Variants in LRRC23 observed in about 807,000 individuals in gnomAD.
LRRC23 encodes leucine rich repeat containing 23.
A neutral mutation model predicts 37.7 loss-of-function variants in LRRC23; 28 were observed. The observed-to-expected ratio is 0.74, with a 90% CI of 0.55 to 1.02. The LOEUF (loss-of-function observed/expected upper bound fraction) is 1.02. LRRC23 is among the 50% of genes least tolerant of loss of function. The probability of loss-of-function intolerance (pLI) is 0.00; values close to 1 mark genes in which losing one functional copy is unlikely to be tolerated. For missense variants in LRRC23, 377 were observed against 413.2 expected (o/e 0.91, Z 0.76); for synonymous variants, 161 against 165.4 (o/e 0.97, Z 0.20).
chr12:6,906,076 A>T, intron 3 of LRRC23, 122 bp downstream of exon 3: 1 of 882,830 alleles, frequency 1.1e-6, no homozygotes, highest in Non-Finnish European at 1.8e-6. Flanking sequence ...TGGAAAGGGA[A>T]GGACAGAATT....
rs782196842 is a variant in LRRC23 at position 6,904,977 on chromosome 12, G to A, written c.-148G>A. Reference sequence around the variant, plus strand: ...CCCCGTCCCCGTTGCCATAACAGCAGTACACAACCCCTCCTTCCCCTCGCC... The same window carrying A: ...CCCCGTCCCCGTTGCCATAACAGCAATACACAACCCCTCCTTCCCCTCGCC... On this transcript the variant is annotated 5_prime_UTR_variant, in exon 1 of 8. Coordinates refer to ENST00000443597, the MANE Select transcript of LRRC23 (RefSeq NM_001135217.2). 146 of 153,274 alleles carry A rather than the reference G, an allele frequency of 9.5e-4. No homozygotes were observed. In the Middle Eastern group the frequency reaches 0.024, roughly 25 times the overall value. 9.5% of individuals were successfully genotyped at this position (153,274 alleles called of 1,614,324 possible). A position where few individuals can be genotyped will look rare whatever the true frequency, so the allele number is the denominator to read the frequency against.
intron 6 of LRRC23, among the ~76,000 whole-genome samples, chr12:6,911,495 G>GT (rs1237479223): frequency 7.0e-6 from 1 of 142,794 alleles, no homozygotes; most frequent in Non-Finnish European, 1.5e-5. Flanking sequence ...TGTTTTGAGA[G>GT]TAAGTCGGGT....
chr12:6,914,123 G>A lies in LRRC23; in HGVS notation c.*257G>A. The A allele has an allele frequency of 6.7e-7, 1 of 1,497,584 alleles. No homozygotes were observed. The highest frequency in any genetic ancestry group is 8.9e-7 in the Non-Finnish European group (1 of 1,124,724). 92.8% of individuals were successfully genotyped at this position (1,497,584 alleles called of 1,614,324 possible). A position where few individuals can be genotyped will look rare whatever the true frequency, so the allele number is the denominator to read the frequency against. ...CGGGGGCCGCCCTCGGGCAGGCGTGGGTGAGAGCCAAGACCGCGTGGGCCG... is the reference window on the plus strand; with the variant it reads ...CGGGGGCCGCCCTCGGGCAGGCGTGAGTGAGAGCCAAGACCGCGTGGGCCG... On this transcript the variant is annotated 3_prime_UTR_variant, in exon 8 of 8. Transcript: ENST00000443597. The surrounding 1 kb of genome is among the most constrained non-coding windows in gnomAD (Gnocchi z 7.1).
intron 5 of LRRC23, 84 bp downstream of exon 5, chr12:6,907,529 A>G (rs1555139848): frequency 7.3e-7 from 1 of 1,365,506 alleles, no homozygotes; most frequent in Non-Finnish European, 1.0e-6. Flanking sequence ...AGGCTCAGCT[A>G]CTAACTTCAT....
chr12:6,910,241 TTGAGAATGTGCTA>T (rs1175606583), intron 6 of LRRC23, among the ~76,000 whole-genome samples: 1 of 152,166 alleles, frequency 6.6e-6, no homozygotes, highest in Non-Finnish European at 1.5e-5. Flanking sequence ...TCCACAATTA[TTGAGAATGTGCTA>T]TGTGCCAGGC....
intron 7 of LRRC23, 115 bp from the exon 8 acceptor site, chr12:6,913,776 G>T: frequency 1.4e-6 from 1 of 718,088 alleles, no homozygotes; most frequent in Non-Finnish European, 2.2e-6. Context: ...CGTTAGCCAG[G>T]ATGGTCTGGA....
intron 6 of LRRC23, 132 bp from the exon 7 acceptor site, chr12:6,912,598 G>T: frequency 1.2e-6 from 1 of 817,590 alleles, no homozygotes; most frequent in Non-Finnish European, 2.0e-6. Context: ...ATCTGGCAAG[G>T]CTTGGCAGGC....
At chr12:6,912,128 C>T (rs1357771825) in intron 6 of LRRC23, among the ~76,000 whole-genome samples, 1 of 152,114 alleles carries the variant, frequency 6.6e-6, no homozygotes, top group African/African-American at 2.4e-5. Flanking sequence ...GAGCACGAAC[C>T]GAGCATCCAC....
At chr12:6,909,615 C>T (rs967944779) in intron 5 of LRRC23, among the ~76,000 whole-genome samples, 1 of 146,242 alleles carries the variant, frequency 6.8e-6, no homozygotes, top group Non-Finnish European at 1.5e-5. Context: ...CCTGGGGGCT[C>T]CTGGGCCGGG....
chr12:6,913,558 T>G (rs1281855981), intron 7 of LRRC23, among the ~76,000 whole-genome samples: 4 of 100,858 alleles, frequency 4.0e-5, no homozygotes, highest in East Asian at 3.4e-4. Flanking sequence ...TCTGTTTGTT[T>G]TTTTTTTTTT....
chr12:6,909,109 A>ATT (rs1555140187), intron 5 of LRRC23, among the ~76,000 whole-genome samples: 1 of 31,302 alleles, frequency 3.2e-5, no homozygotes, highest in Non-Finnish European at 4.4e-5. Flanking sequence ...TATAATATAT[A>ATT]ATTACATATA....
chr12:6,910,396 GA>G (rs1945129951), intron 6 of LRRC23, among the ~76,000 whole-genome samples: 1 of 151,930 alleles, frequency 6.6e-6, no homozygotes, highest in African/African-American at 2.4e-5. Context: ...GCAACCTAGT[GA>G]GACCATGTTT....
chr12:6,913,036 G>T lies in LRRC23; in HGVS notation c.*24+9G>T, dbSNP rs539351241. The T allele has an allele frequency of 2.5e-6, 4 of 1,608,098 alleles. No individual in the cohort carries two copies. The highest frequency in any genetic ancestry group is 3.4e-6 in the Non-Finnish European group (4 of 1,176,104). On this transcript the variant is annotated intron_variant, in intron 7 of 7. Coordinates refer to ENST00000443597, the MANE Select transcript of LRRC23 (RefSeq NM_001135217.2). ...TCTAGCCTCTAAAGATAGTAAGGAA[G>T]CCTGCAGGGAGGCAGTGGGAGGAGG...
At chr12:6,905,507 G>T (rs1176999488) in intron 1 of LRRC23, 78 bp from the exon 2 acceptor site, 3 of 858,822 alleles carry the variant, frequency 3.5e-6, no homozygotes, top group Non-Finnish European at 5.7e-6. Flanking sequence ...GAAGTCATGG[G>T]GGTGATGGGA....
chr12:6,906,995 G>A (rs1459592121), intron 4 of LRRC23, among the ~76,000 whole-genome samples: 1 of 152,184 alleles, frequency 6.6e-6, no homozygotes, highest in Non-Finnish European at 1.5e-5. Context: ...GACACAGGTG[G>A]CAATGTCAAA....
chr12:6,906,371 C>T lies in LRRC23; in HGVS notation c.237-38C>T, dbSNP rs782095045. 7 of 1,602,272 alleles carry T rather than the reference C, an allele frequency of 4.4e-6. No individual in the cohort carries two copies. The Admixed American group carries it at 8.4e-5, about 19-fold the overall frequency. On this transcript the variant is annotated intron_variant, in intron 3 of 7. Coordinates refer to ENST00000443597, the MANE Select transcript of LRRC23 (RefSeq NM_001135217.2). ...CTGCCAGTCCTCACTGGGTGCTTAACCCTAAACCTGGTTTCTTCTCCCTCT... is the reference window on the plus strand; with the variant it reads ...CTGCCAGTCCTCACTGGGTGCTTAATCCTAAACCTGGTTTCTTCTCCCTCT...
chr12:6,908,069 T>C (rs2138144331), intron 5 of LRRC23, among the ~76,000 whole-genome samples: 1 of 152,296 alleles, frequency 6.6e-6, no homozygotes, highest in Middle Eastern at 3.4e-3. Flanking sequence ...TGGTTTTTAT[T>C]AGTTTATTGC....
At chr12:6,909,399 T>C (rs1439292367) in intron 5 of LRRC23, among the ~76,000 whole-genome samples, 1 of 68,280 alleles carries the variant, frequency 1.5e-5, no homozygotes, top group Non-Finnish European at 2.4e-5. Context: ...ATAAATATTA[T>C]ATATAATAGT....
intron 6 of LRRC23, among the ~76,000 whole-genome samples, chr12:6,911,012 C>T (rs1026320583): frequency 6.6e-6 from 1 of 152,150 alleles, no homozygotes; most frequent in African/African-American, 2.4e-5. Context: ...TAAGTTTCCA[C>T]TGCCCTTCTC....
Sources: gnomAD v4.1 joint callset for allele counts (sites outside exome capture counted in the v4.1 genomes callset) on GRCh38, gnomAD v4.1.1 for gene constraint, Gnocchi (gnomAD v3.1) non-coding constraint, MANE v1.5 for transcripts, NCBI Gene and HGNC (gene_info 2026-07-23, HGNC 2026-07-21) for gene names.